Variants in CDH20 observed in about 807,000 individuals in gnomAD.
CDH20 encodes the protein cadherin-20.
CDH20 carries 29 observed loss-of-function variants against 74.2 expected under a neutral mutation model. The ratio of observed to expected loss-of-function variants is 0.39; its 90% CI spans 0.29 to 0.53. The LOEUF is 0.53. CDH20 is among the 20% of genes least tolerant of loss of function. CDH20 has a pLI of 0.69. For synonymous variants in CDH20, 469 were observed against 405.4 expected (o/e 1.16, Z -1.88); for missense variants, 988 against 1,048.3 (o/e 0.94, Z 0.79).
intron 1 of CDH20, among the ~76,000 whole-genome samples, chr18:61,382,988 G>T (rs1286488917): frequency 6.6e-6 from 1 of 152,142 alleles, no homozygotes; most frequent in Admixed American, 6.5e-5. Flanking sequence ...TCTTGGACAA[G>T]CTTCTCAATC....
At chr18:61,509,533 A>G (rs567979910) in intron 6 of CDH20, among the ~76,000 whole-genome samples, 1 of 152,126 alleles carries the variant, frequency 6.6e-6, no homozygotes, top group Non-Finnish European at 1.5e-5. Context: ...GGAGGGGGGA[A>G]CTCTTAGGAG....
chr18:61,347,354 A>T (rs1910161508), intron 1 of CDH20, among the ~76,000 whole-genome samples: 1 of 137,726 alleles, frequency 7.3e-6, no homozygotes, highest in African/African-American at 3.0e-5. Flanking sequence ...ACACACACAT[A>T]TATATATACA....
At chr18:61,368,763 C>T (rs1480837833) in intron 1 of CDH20, among the ~76,000 whole-genome samples, 1 of 150,254 alleles carries the variant, frequency 6.7e-6, no homozygotes. Context: ...AGAAGACAGA[C>T]ATTTTCTCAA....
intron 2 of CDH20, among the ~76,000 whole-genome samples, chr18:61,493,468 G>A (rs1481217419): frequency 6.6e-6 from 1 of 152,162 alleles, no homozygotes; most frequent in Non-Finnish European, 1.5e-5. Flanking sequence ...CTAGCATGCA[G>A]TTCAGGGACT....
intron 1 of CDH20, among the ~76,000 whole-genome samples, chr18:61,416,988 A>G (rs1429738469): frequency 6.6e-6 from 1 of 152,242 alleles, no homozygotes. Context: ...AATATAAAGC[A>G]CCAGAAAAAT....
In CDH20 at chr18:61,392,917, C is replaced by A. The variant is rs992778427; in HGVS notation, c.-153+59090C>A. 2.6e-5 allele frequency among the ~76,000 whole-genome samples: 4 copies of A among 152,106 alleles called. No homozygotes were observed. The East Asian group carries it at 5.8e-4, about 22-fold the overall frequency. ...AGTGGTGCACTGTCTGGCTGTTGCACCTCACTTCCAGAAACAAGAGGGCAG... is the reference window on the plus strand; with the variant it reads ...AGTGGTGCACTGTCTGGCTGTTGCAACTCACTTCCAGAAACAAGAGGGCAG... On this transcript the variant is annotated intron_variant, in intron 1 of 11. Coordinates refer to ENST00000262717, the MANE Select transcript of CDH20 (RefSeq NM_031891.4).
intron 1 of CDH20, among the ~76,000 whole-genome samples, chr18:61,374,977 T>C (rs777256537): frequency 6.6e-6 from 1 of 152,158 alleles, no homozygotes; most frequent in Non-Finnish European, 1.5e-5. Flanking sequence ...TTAGATTAGT[T>C]GAAAGTTACT....
chr18:61,541,836 T>C (rs1338813351), intron 9 of CDH20, among the ~76,000 whole-genome samples: 2 of 152,180 alleles, frequency 1.3e-5, no homozygotes, highest in Non-Finnish European at 2.9e-5. Flanking sequence ...GATAACATAC[T>C]TGGTGATGGA....
intron 1 of CDH20, among the ~76,000 whole-genome samples, chr18:61,471,316 C>T (rs1910168126): frequency 6.6e-6 from 1 of 152,212 alleles, no homozygotes; most frequent in South Asian, 2.1e-4. Flanking sequence ...GTTCCACCTA[C>T]CTAACTCTCC....
intron 2 of CDH20, among the ~76,000 whole-genome samples, chr18:61,495,045 A>T (rs1292983944): frequency 6.6e-6 from 1 of 152,186 alleles, no homozygotes; most frequent in African/African-American, 2.4e-5. Flanking sequence ...AATGATTAGG[A>T]TAAGTGAGAC....
intron 1 of CDH20, among the ~76,000 whole-genome samples, chr18:61,439,732 C>A (rs998443970): frequency 6.6e-6 from 1 of 151,940 alleles, no homozygotes; most frequent in Admixed American, 6.6e-5. Flanking sequence ...TATTATACTG[C>A]AAACCCAAGG....
intron 1 of CDH20, among the ~76,000 whole-genome samples, chr18:61,432,037 G>C (rs1913271938): frequency 6.6e-6 from 1 of 152,002 alleles, no homozygotes; most frequent in South Asian, 2.1e-4. Context: ...ATGAGGTCCA[G>C]AGTTTGAGAC....
At chr18:61,334,660 C>T (rs1599020675) in intron 1 of CDH20, among the ~76,000 whole-genome samples, 2 of 152,112 alleles carry the variant, frequency 1.3e-5, no homozygotes, top group Non-Finnish European at 2.9e-5. Context: ...TAGCTATCCG[C>T]CTCTGGGGCA....
Position 61,418,427 on chromosome 18 carries a change from G to A in CDH20, c.-152-71975G>A, listed in dbSNP as rs367852179. On this transcript the variant is annotated intron_variant, in intron 1 of 11. Transcript: ENST00000262717. ...AAATTAGCCGGGCGAGGTCGTGGGC[G>A]CCTGTAGTCCCAGCTACTTGGGAGG... 1.3e-3 allele frequency among the ~76,000 whole-genome samples: 190 copies of A among 151,920 alleles called. 3 individuals are homozygous for A. The East Asian group carries it at 0.023, about 19-fold the overall frequency.
chr18:61,403,963 C>T (rs1371571289), intron 1 of CDH20, among the ~76,000 whole-genome samples: 1 of 152,166 alleles, frequency 6.6e-6, no homozygotes, highest in Admixed American at 6.6e-5. Flanking sequence ...TCATTATCCT[C>T]TGCAGACTAA....
At chr18:61,387,357 A>C (rs1294044277) in intron 1 of CDH20, among the ~76,000 whole-genome samples, 1 of 152,200 alleles carries the variant, frequency 6.6e-6, no homozygotes, top group Non-Finnish European at 1.5e-5. Context: ...TCTGAACTCA[A>C]AGTTGCAGCA....
At chr18:61,474,231 G>A (rs1910289156) in intron 1 of CDH20, among the ~76,000 whole-genome samples, 1 of 152,132 alleles carries the variant, frequency 6.6e-6, no homozygotes, top group African/African-American at 2.4e-5. Context: ...CAAGAAACCT[G>A]ATGTTGTTTA....
At chr18:61,480,941 T>G (rs1910567806) in intron 1 of CDH20, among the ~76,000 whole-genome samples, 1 of 152,248 alleles carries the variant, frequency 6.6e-6, no homozygotes, top group Non-Finnish European at 1.5e-5. Context: ...CCTCTTAATA[T>G]GTTCACTAAT....
intron 4 of CDH20, among the ~76,000 whole-genome samples, chr18:61,502,155 C>G (rs1911405785): frequency 6.6e-6 from 1 of 152,084 alleles, no homozygotes; most frequent in African/African-American, 2.4e-5. Context: ...GTAGAGAAGT[C>G]AACTTTTTTA....
Sources: gnomAD v4.1 joint callset for allele counts (sites outside exome capture counted in the v4.1 genomes callset) on GRCh38, gnomAD v4.1.1 for gene constraint, MANE v1.5 for transcripts, NCBI Gene and HGNC (gene_info 2026-07-23, HGNC 2026-07-21) for gene names.